Variants in HDAC9 observed in about 807,000 individuals in gnomAD.
HDAC9 encodes the protein histone deacetylase 9, also known as MEF-2 interacting transcription repressor (MITR) protein.
In HDAC9, 41 loss-of-function variants were observed where a neutral mutation model predicts 139.4. The ratio of observed to expected loss-of-function variants is 0.29; its 90% CI spans 0.23 to 0.38. HDAC9 has a LOEUF of 0.38. Among genes scored for constraint, HDAC9 ranks in the 10% least tolerant of loss-of-function variants. The pLI is 1.00. For synonymous variants in HDAC9, 517 were observed against 476.2 expected (o/e 1.09, Z -1.12); for missense variants, 1,147 against 1,297.0 (o/e 0.88, Z 1.78).
At chr7:18,298,727 G>A (rs582937) in intron 1 of HDAC9, among the ~76,000 whole-genome samples, 30,801 of 152,092 alleles carry the variant, frequency 0.2, 3,357 homozygotes, top group East Asian at 0.26. Flanking sequence ...TTATGTGACA[G>A]TGTTGCTACA....
chr7:18,168,911 G>A (rs1386952938), intron 2 of HDAC9, among the ~76,000 whole-genome samples: 1 of 135,604 alleles, frequency 7.4e-6, no homozygotes, highest in Non-Finnish European at 1.6e-5. Context: ...GTGTGTGTGT[G>A]TGTGTGTGTG....
chr7:18,362,987 C>G (rs1783901005), intron 1 of HDAC9, among the ~76,000 whole-genome samples: 2 of 151,984 alleles, frequency 1.3e-5, no homozygotes, highest in South Asian at 4.2e-4. Flanking sequence ...CCTGGAGATA[C>G]CAGTTTCAGA....
intron 11 of HDAC9, among the ~76,000 whole-genome samples, chr7:18,651,162 T>C (rs542471228): frequency 6.6e-6 from 1 of 152,292 alleles, no homozygotes; most frequent in South Asian, 2.1e-4. Context: ...AAAGCTAACA[T>C]GTTTCTGTAT....
At chr7:18,108,103 A>G (rs558615055) in intron 1 of HDAC9, among the ~76,000 whole-genome samples, 1 of 152,312 alleles carries the variant, frequency 6.6e-6, no homozygotes, top group African/African-American at 2.4e-5. Flanking sequence ...TAGCTACATG[A>G]GAAGCAAGGG....
chr7:18,602,262 A>T (rs187802885), intron 6 of HDAC9, among the ~76,000 whole-genome samples: 4 of 151,942 alleles, frequency 2.6e-5, no homozygotes, highest in African/African-American at 9.7e-5. Context: ...ATATTGCTTT[A>T]TTATCCTTCT....
chr7:18,797,287 A>T (rs958551098), intron 17 of HDAC9, among the ~76,000 whole-genome samples: 5 of 152,218 alleles, frequency 3.3e-5, no homozygotes, highest in African/African-American at 4.8e-5. Context: ...ATATACATTT[A>T]AAAAAGGGGC....
intron 1 of HDAC9, among the ~76,000 whole-genome samples, chr7:18,382,075 C>T (rs1468569385): frequency 6.6e-6 from 1 of 151,974 alleles, no homozygotes; most frequent in Non-Finnish European, 1.5e-5. Flanking sequence ...TGTTTCCACT[C>T]AAACAGTAAA....
At chr7:18,740,817 A>G (rs1562902458) in intron 13 of HDAC9, among the ~76,000 whole-genome samples, 1 of 152,242 alleles carries the variant, frequency 6.6e-6, no homozygotes, top group Non-Finnish European at 1.5e-5. Flanking sequence ...AAGGAAATTA[A>G]AAGTGTTACT....
intron 17 of HDAC9, among the ~76,000 whole-genome samples, chr7:18,808,555 A>G (rs1400364442): frequency 1.3e-5 from 2 of 152,124 alleles, no homozygotes; most frequent in African/African-American, 4.8e-5. Context: ...CCCACTTACA[A>G]TAGCTACAGA....
intron 16 of HDAC9, 55 bp downstream of exon 16, chr7:18,767,210 C>T: frequency 9.7e-7 from 1 of 1,027,968 alleles, no homozygotes; most frequent in South Asian, 1.7e-5. Context: ...AAAAAAAAAT[C>T]TTTTTTGATT....
intron 14 of HDAC9, among the ~76,000 whole-genome samples, chr7:18,758,777 C>T (rs1279562017): frequency 4.2e-5 from 6 of 141,670 alleles, no homozygotes; most frequent in African/African-American, 1.7e-4. Context: ...ATCCTGTCTA[C>T]AGGTAGAAAC....
chr7:18,974,370 G>A (rs538179133), intron 24 of HDAC9, among the ~76,000 whole-genome samples: 1 of 152,116 alleles, frequency 6.6e-6, no homozygotes, highest in Non-Finnish European at 1.5e-5. Context: ...ACTTATTCCC[G>A]TTCAAGGTCA....
chr7:18,745,611 A>G (rs1458907611), intron 13 of HDAC9, among the ~76,000 whole-genome samples: 1 of 142,190 alleles, frequency 7.0e-6, no homozygotes, highest in Admixed American at 7.5e-5. Flanking sequence ...CAGTGGCGCA[A>G]TCTCAGCTCA....
chr7:18,186,109 C>T (rs972754354), intron 2 of HDAC9, among the ~76,000 whole-genome samples: 6 of 152,112 alleles, frequency 3.9e-5, no homozygotes, highest in Non-Finnish European at 8.8e-5. Flanking sequence ...AAAACCAAGC[C>T]TTAGAGACTT....
chr7:18,235,968 TACA>T (rs1298483174), intron 2 of HDAC9, among the ~76,000 whole-genome samples: 1 of 152,232 alleles, frequency 6.6e-6, no homozygotes, highest in African/African-American at 2.4e-5. Flanking sequence ...GAGGTGCTTC[TACA>T]ACTGCACATT....
chr7:18,714,179 G>GT (rs1333220694), intron 12 of HDAC9, among the ~76,000 whole-genome samples: 1 of 152,156 alleles, frequency 6.6e-6, no homozygotes, highest in Non-Finnish European at 1.5e-5. Context: ...CAAGGAGTTT[G>GT]TTTTTTTCTG....
chr7:18,310,403 T>C (rs978296194), intron 1 of HDAC9, among the ~76,000 whole-genome samples: 9 of 152,190 alleles, frequency 5.9e-5, no homozygotes, highest in African/African-American at 2.2e-4. Context: ...TTTAGCAATA[T>C]GTGTGTCCTG....
At chr7:18,994,563 T>C (rs1786300992) in intron 25 of HDAC9, among the ~76,000 whole-genome samples, 1 of 152,204 alleles carries the variant, frequency 6.6e-6, no homozygotes, top group Non-Finnish European at 1.5e-5. Flanking sequence ...TTTAGAATTT[T>C]CTTTTTTGGT....
intron 1 of HDAC9, among the ~76,000 whole-genome samples, chr7:18,473,222 C>A (rs773799041): frequency 3.9e-5 from 6 of 152,174 alleles, no homozygotes; most frequent in Non-Finnish European, 5.9e-5. Context: ...TGTCACCCTT[C>A]TCAGTATCTG....
Sources: gnomAD v4.1 joint callset for allele counts (sites outside exome capture counted in the v4.1 genomes callset) on GRCh38, gnomAD v4.1.1 for gene constraint, MANE v1.5 for transcripts, NCBI Gene and HGNC (gene_info 2026-07-23, HGNC 2026-07-21) for gene names.